Variants in CDH2 observed in about 807,000 individuals in gnomAD.
The protein encoded by CDH2 is cadherin 2.
A neutral mutation model predicts 92.0 loss-of-function variants in CDH2; 17 were observed. The observed-to-expected ratio is 0.18, with a 90% CI of 0.13 to 0.28. The LOEUF (loss-of-function observed/expected upper bound fraction) is 0.28, where lower values mean the gene tolerates loss of function less well. CDH2 is among the 10% of genes least tolerant of loss of function. CDH2 has a pLI of 1.00. For synonymous variants in CDH2, 419 were observed against 415.9 expected (o/e 1.01, Z -0.09); for missense variants, 862 against 1,133.1 (o/e 0.76, Z 3.44).
In CDH2 at chr18:28,049,644, A is replaced by G. The variant is rs141253079; in HGVS notation, c.173-35735T>C. Among the ~76,000 whole-genome samples, 105 of 152,348 alleles carry G rather than the reference A, an allele frequency of 6.9e-4. 2 individuals carry two copies. The highest frequency in any genetic ancestry group is 2.3e-3 in the African/African-American group (95 of 41,586). Reference sequence around the variant, plus strand: ...AAGCAAATGGATTAACTCACCACTGAATAGTATCTATGGCAAGGCCACATG... The same window carrying G: ...AAGCAAATGGATTAACTCACCACTGGATAGTATCTATGGCAAGGCCACATG... On this transcript the variant is annotated intron_variant, in intron 2 of 15. Transcript: ENST00000269141.
chr18:28,050,166 C>T (rs541479452), intron 2 of CDH2, among the ~76,000 whole-genome samples: 2 of 152,180 alleles, frequency 1.3e-5, no homozygotes, highest in African/African-American at 2.4e-5. Context: ...CACTGAGTTC[C>T]GAGGTGGTTT....
At chr18:28,032,706 T>C (rs2013727849) in intron 2 of CDH2, among the ~76,000 whole-genome samples, 1 of 152,090 alleles carries the variant, frequency 6.6e-6, no homozygotes. Flanking sequence ...CCTTTACAAG[T>C]AGCAAAACAA....
At chr18:28,172,422 T>A (rs779905771) in intron 1 of CDH2, among the ~76,000 whole-genome samples, 9 of 152,154 alleles carry the variant, frequency 5.9e-5, no homozygotes, top group Non-Finnish European at 1.2e-4. Flanking sequence ...GTTGTTTAAT[T>A]AAAACTTACA....
At chr18:27,995,275 C>G (rs1002060470) in intron 7 of CDH2, among the ~76,000 whole-genome samples, 22 of 133,534 alleles carry the variant, frequency 1.6e-4, no homozygotes, top group Non-Finnish European at 3.0e-4. Context: ...GATCGTGCCA[C>G]TGTGCTCCAG....
chr18:28,095,965 C>T (rs893286446), intron 2 of CDH2, among the ~76,000 whole-genome samples: 1 of 152,112 alleles, frequency 6.6e-6, no homozygotes, highest in African/African-American at 2.4e-5. Context: ...AATTATGGTG[C>T]ATCCTAACAT....
At chr18:28,040,102 G>C (rs548168632) in intron 2 of CDH2, among the ~76,000 whole-genome samples, 3 of 152,202 alleles carry the variant, frequency 2.0e-5, no homozygotes, top group African/African-American at 7.2e-5. Context: ...TTTAGTTAGA[G>C]GCAATGACAC....
intron 4 of CDH2, among the ~76,000 whole-genome samples, chr18:28,011,293 A>G (rs901032858): frequency 6.6e-5 from 10 of 152,056 alleles, no homozygotes; most frequent in African/African-American, 2.4e-4. Context: ...TCTAGAGTAA[A>G]TAACTAAAAA....
chr18:28,083,117 T>C (rs1166774157), intron 2 of CDH2, among the ~76,000 whole-genome samples: 2 of 152,214 alleles, frequency 1.3e-5, no homozygotes, highest in Non-Finnish European at 2.9e-5. Context: ...GTTGCAGAGC[T>C]ATTCTTTCAA....
chr18:28,144,371 AT>A (rs35867427), intron 2 of CDH2, among the ~76,000 whole-genome samples: 47,176 of 151,878 alleles, frequency 0.31, 9,235 homozygotes, highest in African/African-American at 0.55. Flanking sequence ...AAAAGGAATG[AT>A]TTTTCACCAG....
chr18:28,176,842 C>CGGCGT (rs1050582925), intron 1 of CDH2, 121 bp downstream of exon 1: 10 of 369,962 alleles, frequency 2.7e-5, no homozygotes, highest in African/African-American at 2.0e-4. Flanking sequence ...CGGCGCGGCG[C>CGGCGT]GGCGTGGCAC....
intron 13 of CDH2, 50 bp downstream of exon 13, chr18:27,984,949 CA>C: frequency 7.0e-7 from 1 of 1,428,518 alleles, no homozygotes; most frequent in Non-Finnish European, 9.8e-7. Flanking sequence ...CTTTGCTGAA[CA>C]TCCTAGAAGC....
At chr18:27,950,311 A>C (rs890166301), downstream of CDH2, among the ~76,000 whole-genome samples, 6 of 152,180 alleles carry the variant, frequency 3.9e-5, no homozygotes, top group Non-Finnish European at 8.8e-5. Flanking sequence ...AAACAAACAG[A>C]TAAATACAAG....
At chr18:27,969,669 C>A (rs1332042616) in intron 14 of CDH2, among the ~76,000 whole-genome samples, 2 of 152,194 alleles carry the variant, frequency 1.3e-5, no homozygotes, top group East Asian at 3.9e-4. Flanking sequence ...AGCCTTTACT[C>A]TAATGTCTTT....
chr18:28,006,029 T>C, intron 5 of CDH2, 36 bp from the exon 6 acceptor site: 1 of 1,533,164 alleles, frequency 6.5e-7, no homozygotes, highest in Non-Finnish European at 9.0e-7. Context: ...ATTTAACAGA[T>C]TTATGTCTGT....
intron 1 of CDH2, among the ~76,000 whole-genome samples, chr18:28,174,920 T>G (rs1352988700): frequency 6.6e-6 from 1 of 152,194 alleles, no homozygotes; most frequent in Non-Finnish European, 1.5e-5. Flanking sequence ...AAAATTAGTG[T>G]TTTTAAAGTA....
At position 28,137,209 on chromosome 18, in the gene CDH2, C is replaced by A. The variant is rs145043238; in HGVS notation, c.172+10464G>T. Among the ~76,000 whole-genome samples, 311 of 152,230 alleles carry A rather than the reference C, an allele frequency of 2.0e-3. 1 individual carries two copies. Among genetic ancestry groups the A allele is most frequent in the African/African-American group, 7.2e-3 (299 of 41,564 alleles). ...AATAATGCATTGTTACAAAGAATGA[C>A]TGGCTCTCAGGGAGGAGCAGCAGAG... is the stretch of plus-strand genomic sequence containing the variant. On this transcript the variant is annotated intron_variant, in intron 2 of 15. Coordinates refer to ENST00000269141, the MANE Select transcript of CDH2 (RefSeq NM_001792.5).
At chr18:28,157,791 GA>G (rs933481986) in intron 1 of CDH2, among the ~76,000 whole-genome samples, 3 of 150,190 alleles carry the variant, frequency 2.0e-5, no homozygotes, top group African/African-American at 4.9e-5. Flanking sequence ...AAAAAATTAG[GA>G]AAAAAAAAGA....
At chr18:27,989,135 C>A (rs528154187) in intron 10 of CDH2, among the ~76,000 whole-genome samples, 1 of 152,334 alleles carries the variant, frequency 6.6e-6, no homozygotes, top group South Asian at 2.1e-4. Context: ...TGAAGCCACA[C>A]TGGAGAGACC....
At chr18:27,987,362 AG>A (rs1394754282) in intron 11 of CDH2, among the ~76,000 whole-genome samples, 1 of 152,252 alleles carries the variant, frequency 6.6e-6, no homozygotes, top group Non-Finnish European at 1.5e-5. Flanking sequence ...CATATTAAAA[AG>A]GATAAGAAAT....
Sources: allele counts gnomAD v4.1 joint callset (sites outside exome capture counted in the v4.1 genomes callset), GRCh38; gene constraint gnomAD v4.1.1; transcripts MANE v1.5; gene names NCBI Gene and HGNC (gene_info 2026-07-23, HGNC 2026-07-21).